ABLIM3: variants seen among roughly 807,000 people sequenced by gnomAD.
ABLIM3 encodes the protein actin-binding LIM protein 3.
Under a neutral mutation model 109.5 loss-of-function variants are expected in ABLIM3, and 61 were observed. The ratio of observed to expected loss-of-function variants is 0.56; its 90% CI spans 0.45 to 0.69. ABLIM3 has a LOEUF of 0.69. ABLIM3 is among the 30% of genes least tolerant of loss of function. ABLIM3 has a pLI of 0.00. For missense variants in ABLIM3, 796 were observed against 889.5 expected, an observed-to-expected ratio of 0.89 and a Z score of 1.34; for synonymous variants, 300 against 324.8, an observed-to-expected ratio of 0.92 and a Z score of 0.82.
chr5:149,210,635 A>G (rs1339891345), intron 6 of ABLIM3, 91 bp from the exon 7 acceptor site: 10 of 1,087,226 alleles, frequency 9.2e-6, no homozygotes, highest in African/African-American at 1.5e-5. Flanking sequence ...TGGCTCAGTC[A>G]ACATAGGCTG....
At chr5:149,142,949 T>C (rs907004135) in intron 2 of ABLIM3, among the ~76,000 whole-genome samples, 13 of 152,108 alleles carry the variant, frequency 8.5e-5, no homozygotes, top group African/African-American at 1.4e-4. Flanking sequence ...CAGCATCGCA[T>C]AGGGCTGTTG....
intron 2 of ABLIM3, among the ~76,000 whole-genome samples, chr5:149,179,833 T>C (rs1317825592): frequency 6.6e-6 from 1 of 152,208 alleles, no homozygotes; most frequent in Admixed American, 6.5e-5. Flanking sequence ...ACTAGCTACA[T>C]TTCAAGTGCC....
chr5:149,208,452 C>G (rs1235558415), intron 6 of ABLIM3, among the ~76,000 whole-genome samples: 1 of 151,520 alleles, frequency 6.6e-6, no homozygotes, highest in African/African-American at 2.4e-5. Flanking sequence ...CTGTCCCTGT[C>G]TTTCTCTGCT....
intron 2 of ABLIM3, among the ~76,000 whole-genome samples, chr5:149,171,383 C>A (rs957542073): frequency 1.3e-5 from 2 of 152,080 alleles, no homozygotes; most frequent in African/African-American, 4.8e-5. Context: ...ATGTATATTG[C>A]ATCTTATTCT....
At chr5:149,217,634 C>T (rs540478827) in intron 8 of ABLIM3, 2 of 154,336 alleles carry the variant, frequency 1.3e-5, no homozygotes, top group African/African-American at 4.8e-5. Flanking sequence ...AGATTCTGCT[C>T]AGTCCTCTAC....
At chr5:149,153,541 A>G (rs1753621769) in intron 2 of ABLIM3, among the ~76,000 whole-genome samples, 1 of 152,200 alleles carries the variant, frequency 6.6e-6, no homozygotes, top group African/African-American at 2.4e-5. Flanking sequence ...CCATATGGAC[A>G]GGAGGTGAGA....
At chr5:149,246,433 G>C in intron 16 of ABLIM3, 49 bp from the exon 17 acceptor site, 2 of 1,580,042 alleles carry the variant, frequency 1.3e-6, no homozygotes, top group Non-Finnish European at 1.7e-6. Flanking sequence ...CTTAAGCCAG[G>C]CTGAGTGGGG....
intron 15 of ABLIM3, 28 bp downstream of exon 15, chr5:149,242,566 C>A: frequency 3.7e-6 from 6 of 1,613,220 alleles, no homozygotes; most frequent in Non-Finnish European, 5.1e-6. Context: ...TAGGGCTTGG[C>A]CACACAAGGA....
chr5:149,149,835 A>C (rs1055725304), intron 2 of ABLIM3, among the ~76,000 whole-genome samples: 4 of 152,200 alleles, frequency 2.6e-5, no homozygotes, highest in Non-Finnish European at 5.9e-5. Flanking sequence ...AAGAGAAGCA[A>C]GCATGACCCA....
At chr5:149,227,193 A>C (rs2918268) in intron 8 of ABLIM3, among the ~76,000 whole-genome samples, 6 of 151,920 alleles carry the variant, frequency 3.9e-5, no homozygotes, top group Non-Finnish European at 7.4e-5. Context: ...GCTATAACCA[A>C]TCAGAGAGAT....
At chr5:149,225,978 GTGTGTATATATA>G (rs1216867300) in intron 8 of ABLIM3, among the ~76,000 whole-genome samples, 18 of 25,080 alleles carry the variant, frequency 7.2e-4, no homozygotes, top group Non-Finnish European at 7.1e-4. Context: ...GTGTGTGTGT[GTGTGTATATATA>G]TATATATATA....
At chr5:149,217,332 T>C (rs978755723) in intron 8 of ABLIM3, 5 of 467,904 alleles carry the variant, frequency 1.1e-5, no homozygotes, top group African/African-American at 2.0e-5. Flanking sequence ...CTCCTGGCTC[T>C]GCCTTGGGGG....
chr5:149,240,588 C>G (rs1019688623), intron 13 of ABLIM3, 88 bp from the exon 14 acceptor site: 3 of 1,056,830 alleles, frequency 2.8e-6, no homozygotes, highest in African/African-American at 3.1e-5. Flanking sequence ...GCTGTCATCA[C>G]CTCACCACTT....
chr5:149,167,106 G>A (rs1754906475), intron 2 of ABLIM3, among the ~76,000 whole-genome samples: 1 of 152,148 alleles, frequency 6.6e-6, no homozygotes, highest in African/African-American at 2.4e-5. Context: ...GATTTCTAGA[G>A]TACAACAGCT....
chr5:149,225,737 C>T (rs1404884137), intron 8 of ABLIM3, among the ~76,000 whole-genome samples: 1 of 151,904 alleles, frequency 6.6e-6, no homozygotes. Flanking sequence ...CCCAAAAGTC[C>T]ATTGTGTCAT....
intron 23 of ABLIM3, among the ~76,000 whole-genome samples, chr5:149,256,591 T>G (rs1754445654): frequency 6.6e-6 from 1 of 152,236 alleles, no homozygotes; most frequent in African/African-American, 2.4e-5. Flanking sequence ...TTCTGAAGAA[T>G]TCCTGTTAGA....
chr5:149,240,500 C>A, intron 13 of ABLIM3, 176 bp from the exon 14 acceptor site: 1 of 600,338 alleles, frequency 1.7e-6, no homozygotes, highest in Non-Finnish European at 3.0e-6. Context: ...TTTCTGCCAA[C>A]GTGGTGCATG....
Position 149,247,861 on chromosome 5 carries a change from C to G in ABLIM3, c.1631C>G (p.Pro544Arg), listed in dbSNP as rs767468664. 2 of 1,614,248 alleles carry G rather than the reference C, an allele frequency of 1.2e-6. No homozygotes were observed. Among genetic ancestry groups the G allele is most frequent in the Non-Finnish European group, 1.7e-6 (2 of 1,180,054 alleles). The change falls in exon 18 of 24, where the codon CCT (proline) becomes CGT (arginine). Residue 544 changes from proline to arginine, a missense_variant. Pro to Arg is a moderately radical substitution (Grantham distance 103). Transcript: ENST00000309868. Reference protein sequence around the residue: ...RSSSYADPWTPPRSSTSSREA... With the variant: ...RSSSYADPWTRPRSSTSSREA... ...AGCTCCTATGCAGATCCCTGGACCC[C>G]TCCCCGGAGCTCCACCAGCAGCCGG...
chr5:149,187,147 A>G (rs1041715295), intron 3 of ABLIM3, among the ~76,000 whole-genome samples: 2 of 152,236 alleles, frequency 1.3e-5, no homozygotes, highest in Admixed American at 6.5e-5. Context: ...GGGATAGATA[A>G]TAGAGAACAT....
Sources: allele counts gnomAD v4.1 joint callset (sites outside exome capture counted in the v4.1 genomes callset), GRCh38; gene constraint gnomAD v4.1.1; transcripts MANE v1.5; gene names NCBI Gene and HGNC (gene_info 2026-07-23, HGNC 2026-07-21).